The following CRIM1 variants were observed in gnomAD, a reference collection of about 807,000 sequenced individuals.
CRIM1 encodes the protein cysteine rich transmembrane BMP regulator 1, also known as cysteine-rich motor neuron 1 protein.
In CRIM1, 32 loss-of-function variants were observed where a neutral mutation model predicts 116.4. That is an observed-to-expected ratio of 0.27 (90% CI 0.21 to 0.37). The LOEUF is 0.37. Among genes scored for constraint, CRIM1 ranks in the 10% least tolerant of loss-of-function variants. The pLI is 1.00. For missense variants in CRIM1, 1,331 were observed against 1,354.8 expected (o/e 0.98, Z 0.28); for synonymous variants, 590 against 509.2 (o/e 1.16, Z -2.13).
In CRIM1 at chr2:36,546,968, AT is replaced by A; in HGVS notation, c.2747-8del. The A allele has an allele frequency of 3.1e-5, 46 of 1,483,672 alleles. No homozygotes were observed. The highest frequency in any genetic ancestry group is 4.6e-5 in the East Asian group (2 of 43,584). The allele number at this position is 1,483,672 out of a possible 1,614,324, so 91.9% of individuals were successfully genotyped here. A position where few individuals can be genotyped will look rare whatever the true frequency, so the allele number is the denominator to read the frequency against. ...CTGGTTTAGGTAATAAATGCTTATA[AT>A]TTTTTTTCTCCTAGATATGGGTCAC... On this transcript the variant is annotated splice_polypyrimidine_tract_variant and intron_variant, in intron 15 of 16. Coordinates refer to ENST00000280527, the MANE Select transcript of CRIM1 (RefSeq NM_016441.3).
chr2:36,383,283 T>C (rs183806457), intron 1 of CRIM1, among the ~76,000 whole-genome samples: 48 of 152,336 alleles, frequency 3.2e-4, no homozygotes, highest in African/African-American at 1.1e-3. Context: ...AATGTAAAAA[T>C]CTATAAAAAA....
chr2:36,528,641 C>CA (rs1208880171), intron 13 of CRIM1, among the ~76,000 whole-genome samples: 2 of 152,118 alleles, frequency 1.3e-5, no homozygotes, highest in East Asian at 3.9e-4. Flanking sequence ...TCAGTGCTGT[C>CA]AGTTACTGTG....
At chr2:36,454,841 C>T (rs848511) in intron 4 of CRIM1, among the ~76,000 whole-genome samples, 110,638 of 151,864 alleles carry the variant, frequency 0.73, 40,446 homozygotes, top group East Asian at 0.89. Flanking sequence ...CTCTACTCTT[C>T]TAGGATTCCT....
intron 4 of CRIM1, among the ~76,000 whole-genome samples, chr2:36,444,609 A>G (rs1411860721): frequency 6.6e-6 from 1 of 152,256 alleles, no homozygotes; most frequent in African/African-American, 2.4e-5. Context: ...TAATGAAGAC[A>G]TTGAAAACAT....
Position 36,549,695 on chromosome 2 carries a change from C to T in CRIM1, c.*994C>T, listed in dbSNP as rs949535693. On this transcript the variant is annotated 3_prime_UTR_variant, in exon 17 of 17. Transcript: ENST00000280527. ...TACTGATTCTACAAAATAGAAACTA[C>T]TTCATTTTAATTGTATATTATTCAA... is the stretch of plus-strand genomic sequence containing the variant. 1 of 152,330 alleles carries T rather than the reference C, an allele frequency of 6.6e-6. No individual in the cohort carries two copies. The highest frequency in any genetic ancestry group is 1.5e-5 in the Non-Finnish European group (1 of 67,972). The allele number at this position is 152,330 out of a possible 1,614,324, so 9.4% of individuals were successfully genotyped here.
chr2:36,501,293 C>G (rs1036870116), intron 8 of CRIM1, among the ~76,000 whole-genome samples: 2 of 152,160 alleles, frequency 1.3e-5, no homozygotes, highest in African/African-American at 4.8e-5. Context: ...ACCACTTAAC[C>G]TTAATTATTT....
intron 11 of CRIM1, among the ~76,000 whole-genome samples, chr2:36,514,764 C>T (rs796222942): frequency 4.1e-4 from 63 of 152,216 alleles, no homozygotes; most frequent in African/African-American, 1.3e-3. Context: ...CAAGACTAGC[C>T]TGGGAGGGAA....
intron 7 of CRIM1, among the ~76,000 whole-genome samples, chr2:36,493,214 G>A (rs573459428): frequency 6.6e-6 from 1 of 152,016 alleles, no homozygotes; most frequent in East Asian, 1.9e-4. Flanking sequence ...TTCGAGACCA[G>A]ACTGGGCAAC....
At chr2:36,376,984 T>C (rs560329031) in intron 1 of CRIM1, among the ~76,000 whole-genome samples, 19 of 152,324 alleles carry the variant, frequency 1.2e-4, no homozygotes, top group Admixed American at 9.8e-4. Flanking sequence ...CTGAGCTCTG[T>C]CTTTTGTCTC....
chr2:36,469,441 C>T (rs148827227), intron 5 of CRIM1, among the ~76,000 whole-genome samples: 32 of 152,218 alleles, frequency 2.1e-4, no homozygotes, highest in Non-Finnish European at 3.2e-4. Context: ...GTCATGTTGC[C>T]CACCCAGTAA....
intron 2 of CRIM1, among the ~76,000 whole-genome samples, chr2:36,429,572 A>C (rs773056947): frequency 7.9e-5 from 12 of 152,202 alleles, no homozygotes; most frequent in Non-Finnish European, 1.3e-4. Flanking sequence ...GCATTTATAG[A>C]AAAGAGAGAC....
At chr2:36,513,358 G>T (rs1664813857) in intron 10 of CRIM1, 198 bp from the exon 11 acceptor site, 3 of 558,730 alleles carry the variant, frequency 5.4e-6, no homozygotes. Flanking sequence ...CTATTTGCCG[G>T]TTTTTTTCTC....
chr2:36,461,690 C>T (rs1424628425), intron 4 of CRIM1, among the ~76,000 whole-genome samples: 1 of 152,166 alleles, frequency 6.6e-6, no homozygotes, highest in East Asian at 1.9e-4. Flanking sequence ...GTAGATATAA[C>T]AGACTTCCTG....
chr2:36,446,400 G>A (rs1054765097), intron 4 of CRIM1, among the ~76,000 whole-genome samples: 14 of 152,144 alleles, frequency 9.2e-5, no homozygotes, highest in Admixed American at 2.0e-4. Context: ...ACTATTCTCC[G>A]GATGTTCTTA....
At chr2:36,534,651 G>GGGAA (rs919702764) in intron 13 of CRIM1, among the ~76,000 whole-genome samples, 3 of 147,190 alleles carry the variant, frequency 2.0e-5, no homozygotes, top group Non-Finnish European at 4.5e-5. Context: ...GGGAAAGGAA[G>GGGAA]GGAAGGAAGG....
At chr2:36,403,331 G>A (rs1437211073) in intron 2 of CRIM1, among the ~76,000 whole-genome samples, 1 of 152,180 alleles carries the variant, frequency 6.6e-6, no homozygotes, top group African/African-American at 2.4e-5. Flanking sequence ...ATTTTTGGCT[G>A]TTTTGAATTA....
At chr2:36,474,446 G>T (rs1678796245) in intron 5 of CRIM1, among the ~76,000 whole-genome samples, 1 of 152,220 alleles carries the variant, frequency 6.6e-6, no homozygotes, top group South Asian at 2.1e-4. Context: ...AGCACTGTAG[G>T]TGTAGCTGTT....
At chr2:36,486,705 A>G (rs1215465424) in intron 7 of CRIM1, among the ~76,000 whole-genome samples, 3 of 152,126 alleles carry the variant, frequency 2.0e-5, no homozygotes, top group Non-Finnish European at 2.9e-5. Context: ...TAATTTTCCT[A>G]CTAAGACAAT....
intron 1 of CRIM1, among the ~76,000 whole-genome samples, chr2:36,360,085 G>T (rs1247304049): frequency 6.6e-6 from 1 of 152,228 alleles, no homozygotes; most frequent in Non-Finnish European, 1.5e-5. Context: ...TTTCTAGAAA[G>T]AAGATTTTGA....
Sources: gnomAD v4.1 joint callset for allele counts (sites outside exome capture counted in the v4.1 genomes callset) on GRCh38, gnomAD v4.1.1 for gene constraint, MANE v1.5 for transcripts, NCBI Gene and HGNC (gene_info 2026-07-23, HGNC 2026-07-21) for gene names.